The following ANTXR1 variants were observed in gnomAD, a reference collection of about 807,000 sequenced individuals.
ANTXR1 encodes the protein ANTXR cell adhesion molecule 1, also known as anthrax toxin receptor 1.
ANTXR1 carries 19 observed loss-of-function variants against 78.1 expected under a neutral mutation model. That is an observed-to-expected ratio of 0.24 (90% CI 0.17 to 0.36). The LOEUF (loss-of-function observed/expected upper bound fraction) is 0.36, where lower values mean the gene tolerates loss of function less well. Ranked by LOEUF, ANTXR1 falls within the 10% of genes least tolerant of loss-of-function variation. The pLI, the probability that ANTXR1 is intolerant of heterozygous loss-of-function variation, is 1.00. For missense variants in ANTXR1, 518 were observed against 718.6 expected (o/e 0.72, Z 3.19); for synonymous variants, 273 against 260.5 (o/e 1.05, Z -0.46).
In ANTXR1 at chr2:69,182,613, A is replaced by G; in HGVS notation, c.1306A>G (p.Asn436Asp). ...EFPEPRNLNNNMRRPSSPRKW... is the reference protein window; with the variant it reads ...EFPEPRNLNNDMRRPSSPRKW... ...CCCTGAGCCGCGAAATCTCAACAACAATATGCGTCGGCCTTCTTCCCCCCG... is the reference window on the plus strand; with the variant it reads ...CCCTGAGCCGCGAAATCTCAACAACGATATGCGTCGGCCTTCTTCCCCCCG... The change falls in exon 16 of 18, where the codon AAT becomes GAT. Residue 436 changes from asparagine to aspartate, a missense_variant. Around this residue, in one of 5 missense-constraint regions of ANTXR1, gnomAD observed 192 missense variants for 230.2 expected, o/e 0.83. Transcript: ENST00000303714. 6.2e-7 allele frequency: 1 copy of G among 1,614,190 alleles called. No homozygotes were observed. Among genetic ancestry groups the G allele is most frequent in the Non-Finnish European group, 8.5e-7 (1 of 1,180,044 alleles).
chr2:69,193,280 G>A (rs1005760562), intron 16 of ANTXR1, 55 bp from the exon 17 acceptor site: 16 of 1,526,010 alleles, frequency 1.0e-5, no homozygotes, highest in Middle Eastern at 1.7e-4. Flanking sequence ...AGCCTACGGC[G>A]GCTAGCCACA....
intron 10 of ANTXR1, among the ~76,000 whole-genome samples, chr2:69,106,094 G>A (rs946871021): frequency 6.6e-6 from 1 of 152,194 alleles, no homozygotes; most frequent in African/African-American, 2.4e-5. Flanking sequence ...TTTTTTAAAT[G>A]ACTGTGAACA....
chr2:69,077,466 C>G lies in ANTXR1; in HGVS notation c.620C>G (p.Ala207Gly). 6.2e-7 allele frequency: 1 copy of G among 1,614,126 alleles called. No homozygotes were observed. ...TTTCCCGTGAATGACGGCTTTCAGG[C>G]TCTGCAAGGCATCATCCACTCAGTA... ...HVFPVNDGFQ[A>G]LQGIIHSILK... is the part of the protein sequence containing the mutation. Residue 207 changes from alanine to glycine, a missense_variant, in exon 8 of 18, where the codon GCT becomes GGT. Physicochemically the swap from Ala to Gly is moderately conservative, Grantham distance 60 (BLOSUM62 0). Transcript: ENST00000303714.
chr2:69,129,306 T>G (rs898811438), intron 12 of ANTXR1, among the ~76,000 whole-genome samples: 3 of 152,196 alleles, frequency 2.0e-5, no homozygotes, highest in Admixed American at 6.5e-5. Flanking sequence ...ATTGTTTTCT[T>G]TTAGGTACTT....
At chr2:69,151,990 A>G (rs1371119283) in intron 12 of ANTXR1, among the ~76,000 whole-genome samples, 179 bp from the exon 13 acceptor site, 2 of 152,220 alleles carry the variant, frequency 1.3e-5, no homozygotes, top group African/African-American at 2.4e-5. Flanking sequence ...AAAATTGGCT[A>G]AACAGAGTGT....
intron 2 of ANTXR1, among the ~76,000 whole-genome samples, 177 bp downstream of exon 2, chr2:69,040,292 T>A (rs570178614): frequency 3.3e-5 from 5 of 152,244 alleles, no homozygotes; most frequent in Non-Finnish European, 7.3e-5. Flanking sequence ...CATTTTAGAA[T>A]AACATTTGGC....
Position 69,221,167 on chromosome 2 carries a change from G to A in ANTXR1, c.1435-24058G>A, listed in dbSNP as rs570982251. Among the ~76,000 whole-genome samples the A allele has an allele frequency of 1.1e-4, 16 of 152,294 alleles. No homozygotes were observed. In the East Asian group the frequency reaches 2.9e-3, roughly 28 times the overall value. ...AACAGCTACCTGTTGACCAAGAGCT[G>A]TAAAGGGACTCTCCAATTACAGAGG... is the stretch of plus-strand genomic sequence containing the variant. On this transcript the variant is annotated intron_variant, in intron 17 of 17. Transcript: ENST00000303714.
intron 17 of ANTXR1, among the ~76,000 whole-genome samples, chr2:69,200,665 G>T (rs562246365): frequency 1.3e-5 from 2 of 152,070 alleles, no homozygotes; most frequent in Non-Finnish European, 2.9e-5. Context: ...AAAACCAATT[G>T]CACTCCCACT....
In ANTXR1 at chr2:69,248,516, T is replaced by TC. The variant is rs538456101; in HGVS notation, c.*3031_*3032insC. The TC allele has an allele frequency of 2.6e-5, 4 of 152,772 alleles. No individual in the cohort carries two copies. The East Asian group carries it at 7.7e-4, about 29-fold the overall frequency. 9.5% of individuals were successfully genotyped at this position (152,772 alleles called of 1,614,324 possible). Reference sequence around the variant, plus strand: ...CAGCTCACAGTTTCTTGCCTGAAGCTTGGTGCACCCTCCAGTGAGACACAA... The same window carrying TC: ...CAGCTCACAGTTTCTTGCCTGAAGCTCTGGTGCACCCTCCAGTGAGACACAA... On this transcript the variant is annotated 3_prime_UTR_variant, in exon 18 of 18. Transcript: ENST00000303714.
chr2:69,104,017 C>T (rs981930152), intron 10 of ANTXR1, among the ~76,000 whole-genome samples: 1 of 151,150 alleles, frequency 6.6e-6, no homozygotes, highest in Non-Finnish European at 1.5e-5. Context: ...CAGCTCACTG[C>T]AACCTCCGCC....
intron 3 of ANTXR1, among the ~76,000 whole-genome samples, chr2:69,054,506 A>G (rs1372785016): frequency 6.6e-6 from 1 of 152,174 alleles, no homozygotes; most frequent in Non-Finnish European, 1.5e-5. Flanking sequence ...CATTTCACAG[A>G]TGGGGGTACG....
intron 9 of ANTXR1, among the ~76,000 whole-genome samples, chr2:69,097,583 A>C (rs1671472489): frequency 6.6e-6 from 1 of 152,242 alleles, no homozygotes; most frequent in African/African-American, 2.4e-5. Flanking sequence ...TTCTCTGCTC[A>C]ATCTTTCCTT....
chr2:69,065,566 T>C (rs1389935599), intron 3 of ANTXR1, among the ~76,000 whole-genome samples: 1 of 151,892 alleles, frequency 6.6e-6, no homozygotes, highest in Non-Finnish European at 1.5e-5. Flanking sequence ...TATAGAAATA[T>C]ATTCAACAAT....
chr2:69,169,447 A>G (rs1039927879), intron 13 of ANTXR1, among the ~76,000 whole-genome samples: 3 of 152,208 alleles, frequency 2.0e-5, no homozygotes, highest in Non-Finnish European at 4.4e-5. Flanking sequence ...CTTTCCTTTT[A>G]TGACAGAGGG....
chr2:69,067,319 A>T (rs1049776849), intron 3 of ANTXR1, among the ~76,000 whole-genome samples: 1 of 152,016 alleles, frequency 6.6e-6, no homozygotes, highest in Non-Finnish European at 1.5e-5. Context: ...AAAAAAAAAA[A>T]AAGTCAAGAA....
chr2:69,229,183 G>A (rs948567766), intron 17 of ANTXR1, among the ~76,000 whole-genome samples: 1 of 152,156 alleles, frequency 6.6e-6, no homozygotes, highest in African/African-American at 2.4e-5. Context: ...ACATGGATTT[G>A]GGGAGACACA....
chr2:69,051,672 A>G (rs900231155), intron 3 of ANTXR1, among the ~76,000 whole-genome samples: 3 of 152,026 alleles, frequency 2.0e-5, no homozygotes, highest in African/African-American at 7.2e-5. Flanking sequence ...AAGAAACATT[A>G]ATTTTTAAAT....
chr2:69,102,816 A>G (rs1278558101), intron 9 of ANTXR1, 26 bp from the exon 10 acceptor site: 11 of 1,605,504 alleles, frequency 6.9e-6, no homozygotes, highest in Non-Finnish European at 9.4e-6. Context: ...CCAAGTAACG[A>G]GTCTCGTCAT....
intron 8 of ANTXR1, among the ~76,000 whole-genome samples, chr2:69,079,304 G>A (rs894647494): frequency 6.6e-6 from 1 of 152,158 alleles, no homozygotes; most frequent in Non-Finnish European, 1.5e-5. Context: ...CAACCCAAGG[G>A]ATGCAAAACA....
Sources: allele counts gnomAD v4.1 joint callset (sites outside exome capture counted in the v4.1 genomes callset), GRCh38; gene constraint gnomAD v4.1.1; regional missense constraint gnomAD v4.1.1; transcripts MANE v1.5; gene names NCBI Gene and HGNC (gene_info 2026-07-23, HGNC 2026-07-21).